Variants in FERMT2 observed in about 807,000 individuals in gnomAD.
FERMT2 encodes the protein FERM domain containing kindlin 2.
In FERMT2, 15 loss-of-function variants were observed where a neutral mutation model predicts 82.7. The observed-to-expected ratio is 0.18, with a 90% confidence interval of 0.12 to 0.28. The LOEUF (loss-of-function observed/expected upper bound fraction) is 0.28, where lower values mean the gene tolerates loss of function less well. FERMT2 is among the 10% of genes least tolerant of loss of function. The pLI, the probability that FERMT2 is intolerant of heterozygous loss-of-function variation, is 1.00. For synonymous variants in FERMT2, 274 were observed against 271.5 expected (o/e 1.01, Z -0.09); for missense variants, 645 against 809.4 (o/e 0.80, Z 2.46).
chr14:52,907,393 T>C (rs2139600201), intron 3 of FERMT2, among the ~76,000 whole-genome samples: 1 of 152,216 alleles, frequency 6.6e-6, no homozygotes, highest in African/African-American at 2.4e-5. Flanking sequence ...GCATATGAAG[T>C]TCTTCAGGTA....
intron 2 of FERMT2, among the ~76,000 whole-genome samples, chr14:52,932,979 T>C (rs1473480236): frequency 6.6e-6 from 1 of 152,142 alleles, no homozygotes; most frequent in African/African-American, 2.4e-5. Flanking sequence ...TTCTCTCATA[T>C]AGCGTTATTA....
At chr14:52,867,976 CCT>C (rs1308699595) in intron 10 of FERMT2, among the ~76,000 whole-genome samples, 1 of 152,132 alleles carries the variant, frequency 6.6e-6, no homozygotes, top group Non-Finnish European at 1.5e-5. Context: ...TAAAATGACT[CCT>C]CTGCACCATA....
At chr14:52,928,737 A>T (rs140444464) in intron 2 of FERMT2, among the ~76,000 whole-genome samples, 113 of 152,196 alleles carry the variant, frequency 7.4e-4, no homozygotes, top group Middle Eastern at 3.4e-3. Context: ...ACAACCATGG[A>T]TTCTACTGCA....
chr14:52,886,826 A>G (rs1168698806), intron 4 of FERMT2, among the ~76,000 whole-genome samples: 1 of 152,218 alleles, frequency 6.6e-6, no homozygotes, highest in Non-Finnish European at 1.5e-5. Flanking sequence ...CCCTCTTGAG[A>G]AGGAGTAGCC....
chr14:52,926,093 GAA>G (rs1889253854), intron 2 of FERMT2, among the ~76,000 whole-genome samples: 1 of 152,176 alleles, frequency 6.6e-6, no homozygotes, highest in Non-Finnish European at 1.5e-5. Context: ...TCCACACATT[GAA>G]GCTTTCCTCT....
At position 52,875,325 on chromosome 14, in the gene FERMT2, T is replaced by C. The variant is rs757207808; in HGVS notation, c.996A>G (p.Ser332=). 2 of 1,608,744 alleles carry C rather than the reference T, an allele frequency of 1.2e-6. No homozygotes were observed. The highest frequency in any genetic ancestry group is 1.1e-5 in the South Asian group (1 of 90,652). ...YHINKLSIMT[S]ENHLNNSDKE... is the part of the protein sequence containing the mutation. ...TGTCACTGTTGTTCAAATGATTCTCTGATGTCATGATTGACAGCTTATTGA... is the reference window on the plus strand; with the variant it reads ...TGTCACTGTTGTTCAAATGATTCTCCGATGTCATGATTGACAGCTTATTGA... The change falls in exon 8 of 15, where the codon TCA becomes TCG. Residue 332 remains serine (S), a synonymous_variant. Coordinates refer to ENST00000341590, the MANE Select transcript of FERMT2 (RefSeq NM_006832.3).
At chr14:52,884,231 G>C (rs1445790943) in intron 4 of FERMT2, among the ~76,000 whole-genome samples, 1 of 152,198 alleles carries the variant, frequency 6.6e-6, no homozygotes, top group Non-Finnish European at 1.5e-5. Context: ...TCTCACTTCA[G>C]AGGAGCAAAC....
intron 3 of FERMT2, among the ~76,000 whole-genome samples, chr14:52,907,505 C>G (rs1280513294): frequency 1.3e-5 from 2 of 152,116 alleles, no homozygotes; most frequent in Non-Finnish European, 2.9e-5. Flanking sequence ...AAATACTTCA[C>G]TGCTTTAGGG....
chr14:52,932,260 G>T (rs1275406274), intron 2 of FERMT2, among the ~76,000 whole-genome samples: 1 of 152,146 alleles, frequency 6.6e-6, no homozygotes, highest in Non-Finnish European at 1.5e-5. Flanking sequence ...CAGAAGAGAA[G>T]CAAGTCTGGG....
intron 3 of FERMT2, among the ~76,000 whole-genome samples, chr14:52,896,999 AACACACAC>A (rs57945447): frequency 0.15 from 21,049 of 136,998 alleles, 1,805 homozygotes; most frequent in Middle Eastern, 0.19. Flanking sequence ...AAACAAATAA[AACACACAC>A]ACACACACAC....
chr14:52,861,110 G>GCAAAGAAAA, intron 12 of FERMT2: 1 of 1,367,892 alleles, frequency 7.3e-7, no homozygotes, highest in South Asian at 1.5e-5. Flanking sequence ...TGGCAACGAA[G>GCAAAGAAAA]CAAAGAAAAA....
chr14:52,910,778 G>A (rs1353976521), intron 3 of FERMT2, among the ~76,000 whole-genome samples: 1 of 152,134 alleles, frequency 6.6e-6, no homozygotes, highest in African/African-American at 2.4e-5. Context: ...CTTTTTCAGT[G>A]TTTGGCACAC....
chr14:52,875,760 A>G (rs1388521895), intron 7 of FERMT2, among the ~76,000 whole-genome samples: 2 of 152,186 alleles, frequency 1.3e-5, no homozygotes, highest in African/African-American at 2.4e-5. Flanking sequence ...TTTTGTAGAA[A>G]CTGATGAACA....
At chr14:52,946,925 A>C (rs1338891721) in intron 2 of FERMT2, among the ~76,000 whole-genome samples, 1 of 152,056 alleles carries the variant, frequency 6.6e-6, no homozygotes, top group Non-Finnish European at 1.5e-5. Context: ...CACCTGCCTC[A>C]GCCTCCCTGC....
chr14:52,899,207 C>T (rs981133724), intron 3 of FERMT2, among the ~76,000 whole-genome samples: 2 of 152,042 alleles, frequency 1.3e-5, no homozygotes, highest in Non-Finnish European at 2.9e-5. Flanking sequence ...GACCATATCC[C>T]CAGATTTTTG....
chr14:52,945,877 C>G (rs995173364), intron 2 of FERMT2, among the ~76,000 whole-genome samples: 4 of 152,182 alleles, frequency 2.6e-5, no homozygotes, highest in Non-Finnish European at 5.9e-5. Context: ...AAAAGTGATA[C>G]TAAAACTCAG....
intron 2 of FERMT2, among the ~76,000 whole-genome samples, chr14:52,922,340 G>A (rs1021423057): frequency 2.0e-5 from 3 of 152,164 alleles, no homozygotes; most frequent in African/African-American, 7.2e-5. Context: ...CTCAGGCAGA[G>A]CAAGCTCAGA....
intron 2 of FERMT2, among the ~76,000 whole-genome samples, chr14:52,938,004 C>T (rs559079184): frequency 9.9e-5 from 15 of 152,268 alleles, no homozygotes; most frequent in African/African-American, 3.1e-4. Context: ...TTAATCCTTA[C>T]GACAACCCTA....
intron 10 of FERMT2, among the ~76,000 whole-genome samples, chr14:52,869,081 T>C (rs1375859959): frequency 6.6e-6 from 1 of 152,078 alleles, no homozygotes; most frequent in Non-Finnish European, 1.5e-5. Flanking sequence ...AGAAGACAGA[T>C]TTAGTCTCAA....
Sources: allele counts gnomAD v4.1 joint callset (sites outside exome capture counted in the v4.1 genomes callset), GRCh38; gene constraint gnomAD v4.1.1; transcripts MANE v1.5; gene names NCBI Gene and HGNC (gene_info 2026-07-23, HGNC 2026-07-21).